NUMA1: variants seen among roughly 807,000 people sequenced by gnomAD.
NUMA1 encodes SP-H antigen.
A neutral mutation model predicts 237.1 loss-of-function variants in NUMA1; 62 were observed. The ratio of observed to expected loss-of-function variants is 0.26; its 90% CI spans 0.21 to 0.32. The LOEUF is 0.32. Ranked by LOEUF, NUMA1 falls within the 10% of genes least tolerant of loss-of-function variation. The pLI, the probability that NUMA1 is intolerant of heterozygous loss-of-function variation, is 1.00. For synonymous variants in NUMA1, 1,028 were observed against 1,066.1 expected (o/e 0.96, Z 0.70); for missense variants, 2,533 against 2,666.5 (o/e 0.95, Z 1.10).
rs1026456017 is a variant in NUMA1 at position 72,021,103 on chromosome 11, G to A, written c.460+101C>T. The A allele has an allele frequency of 6.4e-5, 59 of 927,156 alleles. No homozygotes were observed. In the Middle Eastern group the frequency reaches 8.8e-4, roughly 14 times the overall value. The allele number at this position is 927,156 out of a possible 1,614,324, so 57.4% of individuals were successfully genotyped here. Reference sequence around the variant, plus strand: ...TTCCTGAGCATCAACTCTGCCTTGTGTTGGGGACAGAAACAAACCCCCACC... The same window carrying A: ...TTCCTGAGCATCAACTCTGCCTTGTATTGGGGACAGAAACAAACCCCCACC... On this transcript the variant is annotated intron_variant, in intron 8 of 26. Coordinates refer to ENST00000393695, the MANE Select transcript of NUMA1 (RefSeq NM_006185.4).
chr11:72,007,805 G>A (rs867324370), intron 20 of NUMA1: 57 of 365,016 alleles, frequency 1.6e-4, no homozygotes, highest in African/African-American at 9.8e-4. Flanking sequence ...AGCCATGAAC[G>A]TGGGCATAAT....
chr11:72,033,604 C>T (rs1305203102), intron 3 of NUMA1, among the ~76,000 whole-genome samples: 1 of 152,112 alleles, frequency 6.6e-6, no homozygotes. Context: ...AACTTCTGAG[C>T]TCAAGTGATC....
chr11:72,022,519 C>A, intron 6 of NUMA1, 100 bp from the exon 7 acceptor site: 1 of 720,694 alleles, frequency 1.4e-6, no homozygotes. Flanking sequence ...TCCGGTGACT[C>A]TTCTAAAAGT....
chr11:72,042,926 C>A (rs1333664540), intron 2 of NUMA1, among the ~76,000 whole-genome samples: 2 of 151,844 alleles, frequency 1.3e-5, no homozygotes, highest in African/African-American at 4.8e-5. Flanking sequence ...CCAGCCGGGG[C>A]AACATAGGGA....
chr11:72,051,332 CTCTT>C (rs1942349462), intron 2 of NUMA1, among the ~76,000 whole-genome samples: 1 of 152,142 alleles, frequency 6.6e-6, no homozygotes, highest in Non-Finnish European at 1.5e-5. Flanking sequence ...TAAGGCAAAG[CTCTT>C]TCTTTATATC....
intron 2 of NUMA1, among the ~76,000 whole-genome samples, chr11:72,056,861 A>G (rs2136106598): frequency 6.6e-6 from 1 of 152,180 alleles, no homozygotes; most frequent in East Asian, 1.9e-4. Flanking sequence ...ATCTGACAGG[A>G]CTGGAAGTAA....
At chr11:72,005,906 G>A in intron 22 of NUMA1, 129 bp downstream of exon 22, 2 of 757,752 alleles carry the variant, frequency 2.6e-6, no homozygotes, top group South Asian at 1.8e-5. Flanking sequence ...AGGAAGGAGG[G>A]GCAGGTGGAG....
intron 1 of NUMA1, among the ~76,000 whole-genome samples, chr11:72,071,652 T>C (rs911623305): frequency 6.6e-6 from 1 of 152,214 alleles, no homozygotes; most frequent in African/African-American, 2.4e-5. Context: ...TGAGTGTTAA[T>C]AGTACTGTAG....
chr11:72,026,117 G>A (rs571414039), intron 4 of NUMA1, among the ~76,000 whole-genome samples: 1 of 152,174 alleles, frequency 6.6e-6, no homozygotes, highest in Non-Finnish European at 1.5e-5. Context: ...AAAGCCTGGT[G>A]TAAGTAAAGC....
At chr11:72,023,741 G>A (rs1939208768) in intron 5 of NUMA1, among the ~76,000 whole-genome samples, 1 of 152,116 alleles carries the variant, frequency 6.6e-6, no homozygotes, top group Non-Finnish European at 1.5e-5. Flanking sequence ...AGCTTTGCAT[G>A]TGTTCTTATT....
At chr11:72,043,357 C>CTTT (rs35559801) in intron 2 of NUMA1, among the ~76,000 whole-genome samples, 2 of 105,656 alleles carry the variant, frequency 1.9e-5, no homozygotes, top group Admixed American at 1.1e-4. Flanking sequence ...AGGCGGAGTT[C>CTTT]TTTTTTTTTT....
In NUMA1 at chr11:72,077,361, C is replaced by A. The variant is rs144370658; in HGVS notation, c.-103+3097G>T. 3.3e-5 allele frequency among the ~76,000 whole-genome samples: 5 copies of A among 152,178 alleles called. No individual in the cohort carries two copies. The South Asian group carries it at 8.3e-4, about 25-fold the overall frequency. On this transcript the variant is annotated intron_variant, in intron 1 of 26. Transcript: ENST00000393695. ...ATGACAGCAAAGAAGATCTTAAAAA[C>A]AAACAGAAAGAAAGACAGGTTACCC...
chr11:72,022,457 G>A, intron 6 of NUMA1, 38 bp from the exon 7 acceptor site: 2 of 1,415,460 alleles, frequency 1.4e-6, no homozygotes, highest in South Asian at 1.2e-5. Context: ...GAGTGGGGCT[G>A]TCTCTCTTCT....
chr11:72,018,548 A>AGAACTATGTGCATGAGCG, intron 10 of NUMA1, 35 bp from the exon 11 acceptor site: 1 of 1,564,366 alleles, frequency 6.4e-7, no homozygotes, highest in South Asian at 1.1e-5. Context: ...GAGGAGAATC[A>AGAACTATGTGCATGAGCG]GAACTATGTG....
chr11:72,036,862 T>C (rs1941075284), intron 2 of NUMA1, among the ~76,000 whole-genome samples: 1 of 152,132 alleles, frequency 6.6e-6, no homozygotes, highest in Non-Finnish European at 1.5e-5. Flanking sequence ...CTAGCAACCC[T>C]TGCAATTTTC....
At chr11:72,062,969 T>C (rs1943022083) in intron 2 of NUMA1, among the ~76,000 whole-genome samples, 1 of 152,004 alleles carries the variant, frequency 6.6e-6, no homozygotes, top group African/African-American at 2.4e-5. Flanking sequence ...CTCGGGAGGC[T>C]GAGGCAGGAG....
At chr11:72,037,431 G>A (rs920586875) in intron 2 of NUMA1, among the ~76,000 whole-genome samples, 8 of 152,106 alleles carry the variant, frequency 5.3e-5, no homozygotes, top group Non-Finnish European at 8.8e-5. Context: ...GCGTGAACCC[G>A]GGAGGCGGAG....
chr11:72,008,417 T>C (rs1351105467), intron 20 of NUMA1: 4 of 477,546 alleles, frequency 8.4e-6, no homozygotes, highest in Non-Finnish European at 1.5e-5. Flanking sequence ...TTTCACAGCC[T>C]CTGTTCACAC....
rs1345011321 is a variant in NUMA1, at chr11:72,014,654, T to C, written c.2849A>G (p.Glu950Gly). 9 of 1,612,536 alleles carry C rather than the reference T, an allele frequency of 5.6e-6. No homozygotes were observed. The highest frequency in any genetic ancestry group is 7.6e-6 in the Non-Finnish European group (9 of 1,180,014). ...EPARAGDRQP[E>G]WLEEQQGRQF... Reference sequence around the variant, plus strand: ...GCGTCCCTGTTGCTCTTCCAGCCACTCGGGCTGTCTGTCTCCTGCCCTCGC... The same window carrying C: ...GCGTCCCTGTTGCTCTTCCAGCCACCCGGGCTGTCTGTCTCCTGCCCTCGC... The change falls in exon 15 of 27, where the codon GAG (glutamate) becomes GGG (glycine). Residue 950 changes from glutamate (E) to glycine (G), a missense_variant. This residue lies in a region of NUMA1 where 1,414 missense variants were observed against 1,508.1 expected (regional missense o/e 0.94). Coordinates refer to ENST00000393695, the MANE Select transcript of NUMA1 (RefSeq NM_006185.4). The surrounding 1 kb of genome is among the most constrained non-coding windows in gnomAD (Gnocchi z 4.6).
Sources: allele counts gnomAD v4.1 joint callset (sites outside exome capture counted in the v4.1 genomes callset), GRCh38; gene constraint gnomAD v4.1.1; regional missense constraint gnomAD v4.1.1; non-coding constraint Gnocchi (gnomAD v3.1); transcripts MANE v1.5; gene names NCBI Gene and HGNC (gene_info 2026-07-23, HGNC 2026-07-21).